The following EPM2A variants were observed in gnomAD, a reference collection of about 807,000 sequenced individuals.
The protein encoded by EPM2A is laforin.
EPM2A carries 21 observed loss-of-function variants against 26.5 expected under a neutral mutation model. That is an observed-to-expected ratio of 0.79 (90% confidence interval 0.56 to 1.14). The LOEUF (loss-of-function observed/expected upper bound fraction) is 1.14. Ranked by LOEUF, EPM2A falls within the 50% of genes most tolerant of loss-of-function variation. The pLI, the probability that EPM2A is intolerant of heterozygous loss-of-function variation, is 0.00. For missense variants in EPM2A, 458 were observed against 440.8 expected (o/e 1.04, Z -0.35); for synonymous variants, 217 against 177.6 (o/e 1.22, Z -1.76).
intron 4 of EPM2A, among the ~76,000 whole-genome samples, chr6:145,443,432 T>A (rs767904802): frequency 6.6e-6 from 1 of 152,194 alleles, no homozygotes; most frequent in Non-Finnish European, 1.5e-5. Flanking sequence ...GTTCTCTTTA[T>A]AGAGATCTTT....
chr6:145,735,236 A>G lies in EPM2A; in HGVS notation c.263T>C (p.Phe88Ser), dbSNP rs1384780611. The G allele has an allele frequency of 1.3e-6, 2 of 1,540,010 alleles. No homozygotes were observed. Among genetic ancestry groups the G allele is most frequent in the Non-Finnish European group, 1.8e-6 (2 of 1,142,578 alleles). The change falls in exon 1 of 4, where the codon TTC becomes TCC. Residue 88 changes from phenylalanine to serine, a missense_variant. Phe to Ser is a radical substitution (Grantham distance 155). Coordinates refer to ENST00000367519, the MANE Select transcript of EPM2A (RefSeq NM_005670.4). Reference sequence around the variant, plus strand: ...CTCTCCTCCCGGCTCCCGCTTCAGGAACTTGTACCAGAACGTGTCCACGCG... The same window carrying G: ...CTCTCCTCCCGGCTCCCGCTTCAGGGACTTGTACCAGAACGTGTCCACGCG... ...PGRVDTFWYKFLKREPGGELS... is the reference protein window; with the variant it reads ...PGRVDTFWYKSLKREPGGELS...
chr6:145,610,021 C>T (rs1214947020), intron 2 of EPM2A, among the ~76,000 whole-genome samples: 1 of 152,092 alleles, frequency 6.6e-6, no homozygotes, highest in Non-Finnish European at 1.5e-5. Flanking sequence ...TCAAGACCAG[C>T]CTGGCCAAGA....
At chr6:145,582,722 T>C (rs1307788885) in intron 2 of EPM2A, among the ~76,000 whole-genome samples, 1 of 152,254 alleles carries the variant, frequency 6.6e-6, no homozygotes, top group East Asian at 1.9e-4. Context: ...TGGGGAAATT[T>C]TGTGGATGAC....
intron 2 of EPM2A, among the ~76,000 whole-genome samples, chr6:145,655,459 GAT>G (rs1778206042): frequency 6.6e-6 from 1 of 151,930 alleles, no homozygotes; most frequent in Non-Finnish European, 1.5e-5. Context: ...AGGTAAATAA[GAT>G]ATAATTCTTA....
At chr6:145,537,968 T>C (rs1780455922) in intron 2 of EPM2A, among the ~76,000 whole-genome samples, 1 of 152,230 alleles carries the variant, frequency 6.6e-6, no homozygotes, top group South Asian at 2.1e-4. Flanking sequence ...TTCCATGGTA[T>C]ATATGTGCCA....
At chr6:145,527,180 A>G (rs938299622) in intron 2 of EPM2A, among the ~76,000 whole-genome samples, 1 of 151,976 alleles carries the variant, frequency 6.6e-6, no homozygotes, top group African/African-American at 2.4e-5. Flanking sequence ...TTAAAAAAAA[A>G]TTATTAAGAC....
intron 2 of EPM2A, among the ~76,000 whole-genome samples, chr6:145,674,270 T>C (rs550474601): frequency 4.6e-5 from 7 of 152,052 alleles, no homozygotes; most frequent in Non-Finnish European, 1.0e-4. Context: ...AAAGGACATC[T>C]ACACCAAACC....
At chr6:145,557,986 G>GTTTTCAGATTCCAC (rs1780752982) in intron 2 of EPM2A, among the ~76,000 whole-genome samples, 1 of 151,944 alleles carries the variant, frequency 6.6e-6, no homozygotes, top group African/African-American at 2.4e-5. Context: ...TGAGTTCAAT[G>GTTTTCAGATTCCAC]TTTTCAGATT....
intron 2 of EPM2A, among the ~76,000 whole-genome samples, chr6:145,647,384 T>A (rs1777555845): frequency 6.6e-6 from 1 of 152,226 alleles, no homozygotes; most frequent in Admixed American, 6.5e-5. Flanking sequence ...GCTCATCTAT[T>A]CAACCAAGCC....
chr6:145,680,349 T>C (rs919478276), intron 2 of EPM2A, among the ~76,000 whole-genome samples: 8 of 149,938 alleles, frequency 5.3e-5, no homozygotes, highest in Non-Finnish European at 7.4e-5. Context: ...CTTTTTTTTT[T>C]CTGCGTAAGT....
chr6:145,422,076 T>TATAG (rs368615331), intron 4 of EPM2A, among the ~76,000 whole-genome samples: 2,377 of 138,612 alleles, frequency 0.017, 22 homozygotes, highest in East Asian at 0.047. Context: ...TATATATATA[T>TATAG]AGAGAGAGAG....
intron 2 of EPM2A, among the ~76,000 whole-genome samples, chr6:145,560,672 A>C (rs1457380305): frequency 6.6e-6 from 1 of 152,156 alleles, no homozygotes; most frequent in African/African-American, 2.4e-5. Context: ...GTGATTTTTC[A>C]CCATCTCCAA....
intron 2 of EPM2A, among the ~76,000 whole-genome samples, chr6:145,561,842 A>T (rs1227326374): frequency 6.6e-6 from 1 of 152,126 alleles, no homozygotes; most frequent in Non-Finnish European, 1.5e-5. Flanking sequence ...GAAATTACAC[A>T]GTTCTAATGA....
chr6:145,627,681 A>C lies in EPM2A; in HGVS notation c.731T>G (p.Met244Arg), dbSNP rs749563452. 1.2e-6 allele frequency: 2 copies of C among 1,614,146 alleles called. No homozygotes were observed. The highest frequency in any genetic ancestry group is 2.2e-5 in the East Asian group (1 of 44,882). ...PDMSTEGRVQ[M>R]LPQAVCLLHA... ...CAGCAGGCACACCGCCTGGGGCAGC[A>C]TCTGTACTCGGCCTGCGGTGGGGAA... Residue 244 changes from methionine (M) to arginine (R), a missense_variant, in exon 4 of 4, where the codon ATG (methionine) becomes AGG (arginine). By Grantham distance (91) the Met-to-Arg change is moderately conservative. Coordinates refer to ENST00000367519, the MANE Select transcript of EPM2A (RefSeq NM_005670.4).
At chr6:145,556,293 C>T (rs1780727613) in intron 2 of EPM2A, among the ~76,000 whole-genome samples, 1 of 152,106 alleles carries the variant, frequency 6.6e-6, no homozygotes, top group African/African-American at 2.4e-5. Context: ...GGAGGGTTAA[C>T]CACTACTGAA....
chr6:145,567,184 C>T (rs1780895071), intron 2 of EPM2A, among the ~76,000 whole-genome samples: 1 of 152,168 alleles, frequency 6.6e-6, no homozygotes, highest in Admixed American at 6.5e-5. Context: ...GAGCTCACTA[C>T]CCATTGGATG....
intron 4 of EPM2A, among the ~76,000 whole-genome samples, chr6:145,419,966 G>A (rs866899828): frequency 6.6e-5 from 10 of 151,934 alleles, no homozygotes; most frequent in Admixed American, 6.6e-5. Flanking sequence ...TTTATTAAGG[G>A]CTGTCATTTA....
intron 2 of EPM2A, among the ~76,000 whole-genome samples, chr6:145,597,682 A>T (rs1781366258): frequency 6.6e-6 from 1 of 152,100 alleles, no homozygotes; most frequent in Non-Finnish European, 1.5e-5. Flanking sequence ...TCATTCAGGT[A>T]CTAAGCCTAG....
At chr6:145,692,299 T>C (rs184040752) in intron 1 of EPM2A, among the ~76,000 whole-genome samples, 10 of 152,024 alleles carry the variant, frequency 6.6e-5, no homozygotes, top group East Asian at 5.8e-4. Context: ...CCCAAAACAA[T>C]TGTTAGAACA....
Sources: allele counts gnomAD v4.1 joint callset (sites outside exome capture counted in the v4.1 genomes callset), GRCh38; gene constraint gnomAD v4.1.1; transcripts MANE v1.5; gene names NCBI Gene and HGNC (gene_info 2026-07-23, HGNC 2026-07-21).